SPAG16: variants seen among roughly 807,000 people sequenced by gnomAD.
SPAG16 encodes the protein sperm-associated antigen 16 protein.
In SPAG16, 86 loss-of-function variants were observed where a neutral mutation model predicts 80.4. That is an observed-to-expected ratio of 1.07 (90% CI 0.90 to 1.28). The LOEUF (loss-of-function observed/expected upper bound fraction) is 1.28. SPAG16 is among the 50% of genes most tolerant of loss of function. The pLI, the probability that SPAG16 is intolerant of heterozygous loss-of-function variation, is 0.00. For missense variants in SPAG16, 870 were observed against 765.3 expected (o/e 1.14, Z -1.61); for synonymous variants, 294 against 265.9 (o/e 1.11, Z -1.03).
intron 15 of SPAG16, among the ~76,000 whole-genome samples, chr2:214,298,725 A>G (rs1397691766): frequency 6.6e-6 from 1 of 152,186 alleles, no homozygotes; most frequent in Admixed American, 6.5e-5. Context: ...TTAATTTTAT[A>G]AAGTGTTCTT....
intron 10 of SPAG16, among the ~76,000 whole-genome samples, chr2:213,496,667 T>G (rs530234625): frequency 1.3e-4 from 19 of 151,456 alleles, no homozygotes; most frequent in Admixed American, 1.3e-3. Context: ...ATATAAGCTT[T>G]AAGTATAAAG....
intron 10 of SPAG16, among the ~76,000 whole-genome samples, chr2:213,842,990 GAAC>G (rs1283056967): frequency 6.6e-6 from 1 of 152,092 alleles, no homozygotes; most frequent in East Asian, 1.9e-4. Flanking sequence ...GGCTGGTTTT[GAAC>G]ACCTATACTC....
chr2:213,303,256 T>C (rs1422154652), intron 3 of SPAG16, among the ~76,000 whole-genome samples: 1 of 152,018 alleles, frequency 6.6e-6, no homozygotes, highest in Non-Finnish European at 1.5e-5. Flanking sequence ...TCCAGTTTTT[T>C]TTTTAATTTT....
In SPAG16 at chr2:213,399,661, T is replaced by C. The variant is rs2068218155; in HGVS notation, c.942+24542T>C. ...CTGTCTTTTTATAATTTTAGTATCA[T>C]TGAATAAGTTGTGGAATAGTTCCTT... On this transcript the variant is annotated intron_variant, in intron 9 of 15. Coordinates refer to ENST00000331683, the MANE Select transcript of SPAG16 (RefSeq NM_024532.5). 2.0e-5 allele frequency among the ~76,000 whole-genome samples: 3 copies of C among 152,164 alleles called. No homozygotes were observed. The South Asian group carries it at 6.2e-4, about 32-fold the overall frequency.
At chr2:214,013,507 C>T (rs949112797) in intron 12 of SPAG16, among the ~76,000 whole-genome samples, 3 of 152,126 alleles carry the variant, frequency 2.0e-5, no homozygotes, top group African/African-American at 2.4e-5. Context: ...TTTTCCCTCC[C>T]CCAGTCTCTG....
Position 213,642,677 on chromosome 2 carries a change from C to T in SPAG16, c.1070+152587C>T, listed in dbSNP as rs571590682. ...TCTACTAAAAATACAAAAAATTAGC[C>T]GGGCGTAGTGGCGGGCGCCTGTAGT... On this transcript the variant is annotated intron_variant, in intron 10 of 15. Coordinates refer to ENST00000331683, the MANE Select transcript of SPAG16 (RefSeq NM_024532.5). Among the ~76,000 whole-genome samples, 8 of 60,954 alleles carry T rather than the reference C, an allele frequency of 1.3e-4. 1 individual carries two copies. Among genetic ancestry groups the T allele is most frequent in the Non-Finnish European group, 2.0e-4 (6 of 30,398 alleles). 40.0% of individuals were successfully genotyped at this position (60,954 alleles called of 152,430 possible). A position where few individuals can be genotyped will look rare whatever the true frequency, so the allele number is the denominator to read the frequency against.
At chr2:214,385,394 A>AT (rs1700693231) in intron 15 of SPAG16, among the ~76,000 whole-genome samples, 1 of 152,246 alleles carries the variant, frequency 6.6e-6, no homozygotes. Context: ...TTTAAACCAC[A>AT]TGCAATCTCT....
intron 10 of SPAG16, among the ~76,000 whole-genome samples, chr2:213,726,831 C>G (rs2066789712): frequency 6.6e-6 from 1 of 152,132 alleles, no homozygotes; most frequent in Admixed American, 6.5e-5. Flanking sequence ...GCCTTAATGT[C>G]AAAGACAAAT....
At chr2:213,875,774 C>T (rs2076119046) in intron 11 of SPAG16, among the ~76,000 whole-genome samples, 1 of 152,038 alleles carries the variant, frequency 6.6e-6, no homozygotes, top group Non-Finnish European at 1.5e-5. Context: ...ATTTTTGACA[C>T]TAAATAAAAA....
intron 10 of SPAG16, among the ~76,000 whole-genome samples, chr2:213,851,812 C>T (rs559225588): frequency 1.8e-4 from 27 of 152,228 alleles, no homozygotes; most frequent in African/African-American, 6.0e-4. Flanking sequence ...ATTAATAAGT[C>T]CACAAACTGT....
At chr2:214,307,603 C>T (rs566100378) in intron 15 of SPAG16, among the ~76,000 whole-genome samples, 66 of 152,242 alleles carry the variant, frequency 4.3e-4, no homozygotes, top group African/African-American at 1.6e-3. Context: ...TCTTTGTTCT[C>T]ATTAGTCTCA....
intron 10 of SPAG16, among the ~76,000 whole-genome samples, chr2:213,596,935 TTTCTC>T (rs1310288579): frequency 1.3e-5 from 2 of 152,258 alleles, no homozygotes; most frequent in East Asian, 3.9e-4. Context: ...TATAATTACT[TTTCTC>T]TTTATAAAAA....
chr2:213,664,776 TTC>T (rs1278866188), intron 10 of SPAG16, among the ~76,000 whole-genome samples: 1 of 152,040 alleles, frequency 6.6e-6, no homozygotes, highest in Non-Finnish European at 1.5e-5. Context: ...CAAATATTTT[TTC>T]TCTTTCCTCT....
At chr2:213,630,990 G>T (rs769872207) in intron 10 of SPAG16, among the ~76,000 whole-genome samples, 22 of 152,134 alleles carry the variant, frequency 1.4e-4, no homozygotes, top group Admixed American at 5.9e-4. Context: ...ATCAGGGAAG[G>T]TTACTCTTAG....
intron 10 of SPAG16, among the ~76,000 whole-genome samples, chr2:213,531,949 G>A (rs185706676): frequency 4.1e-4 from 62 of 152,126 alleles, no homozygotes; most frequent in East Asian, 3.9e-3. Flanking sequence ...ACAGAGTTAC[G>A]TTTTTTAGAT....
At chr2:213,722,610 A>T (rs1047464482) in intron 10 of SPAG16, among the ~76,000 whole-genome samples, 1 of 152,184 alleles carries the variant, frequency 6.6e-6, no homozygotes, top group Non-Finnish European at 1.5e-5. Context: ...GCTGCTAAGG[A>T]TGGTAATAAG....
chr2:214,012,218 G>T (rs1367051280), intron 12 of SPAG16, among the ~76,000 whole-genome samples: 1 of 111,840 alleles, frequency 8.9e-6, no homozygotes, highest in African/African-American at 3.2e-5. Flanking sequence ...TTATACATAT[G>T]TATATATATA....
intron 13 of SPAG16, among the ~76,000 whole-genome samples, chr2:214,036,894 G>A (rs771445601): frequency 1.3e-5 from 2 of 151,874 alleles, no homozygotes; most frequent in African/African-American, 2.4e-5. Context: ...AGTATACTGG[G>A]TCATTTGTTT....
intron 12 of SPAG16, among the ~76,000 whole-genome samples, chr2:213,985,888 A>G (rs2045975521): frequency 6.6e-6 from 1 of 152,090 alleles, no homozygotes; most frequent in African/African-American, 2.4e-5. Context: ...ATGGCCCTCC[A>G]ACATGCCATA....
Sources: gnomAD v4.1 joint callset for allele counts (sites outside exome capture counted in the v4.1 genomes callset) on GRCh38, gnomAD v4.1.1 for gene constraint, MANE v1.5 for transcripts, NCBI Gene and HGNC (gene_info 2026-07-23, HGNC 2026-07-21) for gene names.